Variants in SGMS1 observed in about 807,000 individuals in gnomAD.
The protein encoded by SGMS1 is phosphatidylcholine:ceramide cholinephosphotransferase 1.
SGMS1 carries 13 observed loss-of-function variants against 46.2 expected under a neutral mutation model. The ratio of observed to expected loss-of-function variants is 0.28; its 90% confidence interval spans 0.18 to 0.45. The LOEUF (loss-of-function observed/expected upper bound fraction) is 0.45. Among genes scored for constraint, SGMS1 ranks in the 20% least tolerant of loss-of-function variants. The pLI, the probability that SGMS1 is intolerant of heterozygous loss-of-function variation, is 1.00. For synonymous variants in SGMS1, 203 were observed against 187.8 expected (o/e 1.08, Z -0.66); for missense variants, 324 against 519.9 (o/e 0.62, Z 3.66).
intron 5 of SGMS1, among the ~76,000 whole-genome samples, chr10:50,453,788 AG>A (rs1189279404): frequency 1.0e-4 from 4 of 38,516 alleles, no homozygotes; most frequent in Non-Finnish European, 1.6e-4. Flanking sequence ...GAAGGGAGGG[AG>A]GGAGGGGAGA....
At chr10:50,537,188 G>A (rs1838009369) in intron 2 of SGMS1, among the ~76,000 whole-genome samples, 1 of 152,102 alleles carries the variant, frequency 6.6e-6, no homozygotes, top group Non-Finnish European at 1.5e-5. Flanking sequence ...TACTGATCTT[G>A]TTTGATCCTT....
chr10:50,396,887 T>C (rs1031791609), intron 6 of SGMS1, among the ~76,000 whole-genome samples: 13 of 152,166 alleles, frequency 8.5e-5, no homozygotes, highest in African/African-American at 3.1e-4. Context: ...GCCTCCAGTG[T>C]TCTGTTAAAA....
chr10:50,385,726 T>C (rs1297919353), intron 6 of SGMS1, among the ~76,000 whole-genome samples: 1 of 152,192 alleles, frequency 6.6e-6, no homozygotes, highest in African/African-American at 2.4e-5. Flanking sequence ...TAGGAAGGCA[T>C]GGGAGAACCT....
At chr10:50,546,919 C>T (rs1838106562) in intron 2 of SGMS1, among the ~76,000 whole-genome samples, 1 of 152,132 alleles carries the variant, frequency 6.6e-6, no homozygotes, top group African/African-American at 2.4e-5. Flanking sequence ...TGCTTTTCCT[C>T]CCTTATACCT....
intron 7 of SGMS1, chr10:50,335,825 G>A (rs562108219): frequency 3.3e-4 from 50 of 152,282 alleles, no homozygotes; most frequent in African/African-American, 1.2e-3. Context: ...ACCCAAATAT[G>A]AGCATCATTT....
At chr10:50,495,320 TTAAAC>T (rs900322332) in intron 3 of SGMS1, among the ~76,000 whole-genome samples, 37 of 151,204 alleles carry the variant, frequency 2.4e-4, no homozygotes, top group African/African-American at 9.0e-4. Flanking sequence ...TAATTAATGA[TTAAAC>T]TGTACTTCTC....
chr10:50,575,791 C>T (rs867419489), intron 2 of SGMS1, among the ~76,000 whole-genome samples: 31 of 152,206 alleles, frequency 2.0e-4, no homozygotes, highest in African/African-American at 7.2e-4. Context: ...AGGGAAAAAA[C>T]AAAAGCAAGA....
At chr10:50,533,437 A>T (rs974044085) in intron 2 of SGMS1, among the ~76,000 whole-genome samples, 1 of 152,168 alleles carries the variant, frequency 6.6e-6, no homozygotes, top group African/African-American at 2.4e-5. Context: ...AAAAGCACTC[A>T]TGAATATTGG....
intron 3 of SGMS1, among the ~76,000 whole-genome samples, chr10:50,514,095 C>T (rs892430598): frequency 6.6e-6 from 1 of 152,202 alleles, no homozygotes; most frequent in African/African-American, 2.4e-5. Flanking sequence ...TATAATTTAT[C>T]TGCAAATACC....
At chr10:50,342,624 T>C (rs1415523136) in intron 7 of SGMS1, 2 of 152,244 alleles carry the variant, frequency 1.3e-5, no homozygotes, top group Non-Finnish European at 2.9e-5. Context: ...TTTAACCACA[T>C]GGTGGATCAT....
intron 8 of SGMS1, among the ~76,000 whole-genome samples, chr10:50,323,300 A>G (rs2842096): frequency 0.31 from 47,834 of 152,032 alleles, 8,215 homozygotes; most frequent in East Asian, 0.64. Context: ...CACTAATTAC[A>G]GCATTTTAAT....
chr10:50,427,999 G>A (rs117249231), intron 6 of SGMS1, among the ~76,000 whole-genome samples: 106 of 152,214 alleles, frequency 7.0e-4, no homozygotes, highest in Non-Finnish European at 1.1e-3. Context: ...GTGTGTGTGT[G>A]TGTGCATGTG....
chr10:50,560,309 A>G (rs1013079712), intron 2 of SGMS1, among the ~76,000 whole-genome samples: 5 of 139,498 alleles, frequency 3.6e-5, no homozygotes. Context: ...TGCATATATT[A>G]CATATTATTA....
intron 2 of SGMS1, among the ~76,000 whole-genome samples, chr10:50,537,036 G>T (rs149577309): frequency 6.6e-6 from 1 of 152,120 alleles, no homozygotes; most frequent in African/African-American, 2.4e-5. Context: ...TTGGTCCCCA[G>T]GCCTTCCAGG....
At chr10:50,560,268 ATGTAATATACAGTATATGTAT>A (rs1838223124) in intron 2 of SGMS1, among the ~76,000 whole-genome samples, 1 of 141,756 alleles carries the variant, frequency 7.1e-6, no homozygotes, top group Non-Finnish European at 1.5e-5. Context: ...TATCTAATGT[ATGTAATATACAGTATATGTAT>A]TATAATATAT....
chr10:50,384,106 A>C (rs1476429574), intron 6 of SGMS1, among the ~76,000 whole-genome samples: 2 of 152,192 alleles, frequency 1.3e-5, no homozygotes, highest in Admixed American at 1.3e-4. Context: ...TCTAGCCTCC[A>C]GAACTCTGAG....
Position 50,344,125 on chromosome 10 carries a change from G to A in SGMS1, c.-11C>T, listed in dbSNP as rs1292202091. On this transcript the variant is annotated 5_prime_UTR_variant, in exon 7 of 11. Coordinates refer to ENST00000361781, the MANE Select transcript of SGMS1 (RefSeq NM_147156.4). The stretch of plus-strand genomic sequence containing the variant: ...AACCACTTCCTTCATTGTACTGGCA[G>A]ACAGCAGGCAGTCCCCAGCTCTCTC... The A allele has an allele frequency of 6.3e-7, 1 of 1,588,864 alleles. No homozygotes were observed. Among genetic ancestry groups the A allele is most frequent in the Non-Finnish European group, 8.6e-7 (1 of 1,168,866 alleles).
At chr10:50,316,635 A>ATCCCTCCT (rs1847343063) in intron 8 of SGMS1, among the ~76,000 whole-genome samples, 1 of 152,180 alleles carries the variant, frequency 6.6e-6, no homozygotes, top group Admixed American at 6.5e-5. Flanking sequence ...TATTAAGGTA[A>ATCCCTCCT]ATTATTTTGT....
At chr10:50,459,902 G>C (rs1428890534) in intron 5 of SGMS1, 4 of 152,032 alleles carry the variant, frequency 2.6e-5, no homozygotes, top group African/African-American at 9.7e-5. Context: ...ATGCTTTCAT[G>C]ATGGTGTGAC....
Sources: gnomAD v4.1 joint callset for allele counts (sites outside exome capture counted in the v4.1 genomes callset) on GRCh38, gnomAD v4.1.1 for gene constraint, MANE v1.5 for transcripts, NCBI Gene and HGNC (gene_info 2026-07-23, HGNC 2026-07-21) for gene names.